The following TAF4 variants were observed in gnomAD, a reference collection of about 807,000 sequenced individuals.
TAF4 encodes the protein TATA-box binding protein associated factor 4.
Under a neutral mutation model 90.3 loss-of-function variants are expected in TAF4, and 9 were observed. That is an observed-to-expected ratio of 0.10 (90% confidence interval 0.06 to 0.17). TAF4 has a LOEUF of 0.17. Ranked by LOEUF, TAF4 falls within the 10% of genes least tolerant of loss-of-function variation. TAF4 has a pLI of 1.00. For missense variants in TAF4, 1,351 were observed against 1,370.7 expected (o/e 0.99, Z 0.23); for synonymous variants, 818 against 638.9 (o/e 1.28, Z -4.23).
intron 1 of TAF4, among the ~76,000 whole-genome samples, chr20:62,027,447 C>T (rs1231780693): frequency 6.6e-6 from 1 of 152,194 alleles, no homozygotes; most frequent in Non-Finnish European, 1.5e-5. Flanking sequence ...CCCCCCTCAA[C>T]GCAAGCTCCC....
rs188351500 is a variant in TAF4, at chr20:62,020,902, A to G, written c.1361-6195T>C. On this transcript the variant is annotated intron_variant, in intron 1 of 14. Coordinates refer to ENST00000252996, the MANE Select transcript of TAF4 (RefSeq NM_003185.4). ...ACAGGTGATCAACAGAAATTCTAGG[A>G]GGACAGAAAGGACAGCAGTTGCTGG... Among the ~76,000 whole-genome samples, 632 of 152,348 alleles carry G rather than the reference A, an allele frequency of 4.1e-3. 1 individual carries two copies. Among genetic ancestry groups the G allele is most frequent in the Middle Eastern group, 6.8e-3 (2 of 294 alleles).
At position 62,006,011 on chromosome 20, in the gene TAF4, A is replaced by G. The variant is rs1275551881; in HGVS notation, c.2223+499T>C. On this transcript the variant is annotated intron_variant, in intron 7 of 14. Coordinates refer to ENST00000252996, the MANE Select transcript of TAF4 (RefSeq NM_003185.4). The surrounding 1 kb of genome is among the most constrained non-coding windows in gnomAD (Gnocchi z 7.0). ...AGCAAACGTCATGACTATAAAACCAAGAAAGCCAGATCCAAACTGCACATA... is the reference window on the plus strand; with the variant it reads ...AGCAAACGTCATGACTATAAAACCAGGAAAGCCAGATCCAAACTGCACATA... 6.5e-6 allele frequency: 1 copy of G among 153,272 alleles called. No individual in the cohort carries two copies. Among genetic ancestry groups the G allele is most frequent in the Non-Finnish European group, 1.5e-5 (1 of 68,794 alleles). The allele number at this position is 153,272 out of a possible 1,614,324, so 9.5% of individuals were successfully genotyped here. A position where few individuals can be genotyped will look rare whatever the true frequency, so the allele number is the denominator to read the frequency against.
At chr20:62,048,986 C>A (rs1314291630) in intron 1 of TAF4, among the ~76,000 whole-genome samples, 1 of 149,190 alleles carries the variant, frequency 6.7e-6, no homozygotes, top group Non-Finnish European at 1.5e-5. Flanking sequence ...TCCATCCCCC[C>A]CTGGGCCCTC....
chr20:61,998,844 G>T, intron 12 of TAF4, 139 bp downstream of exon 12: 1 of 1,096,376 alleles, frequency 9.1e-7, no homozygotes, highest in Non-Finnish European at 1.3e-6. Flanking sequence ...CAGCTCCACT[G>T]ACAGCACCCA....
intron 1 of TAF4, among the ~76,000 whole-genome samples, chr20:62,055,763 CCT>C (rs967405448): frequency 2.6e-5 from 4 of 152,228 alleles, no homozygotes; most frequent in Non-Finnish European, 4.4e-5. Flanking sequence ...CCAGCAGTCC[CCT>C]CTCACCCAAG....
chr20:62,022,652 G>A (rs115736141), intron 1 of TAF4, among the ~76,000 whole-genome samples: 151 of 152,294 alleles, frequency 9.9e-4, no homozygotes, highest in African/African-American at 3.5e-3. Context: ...GTGCTGTGCT[G>A]TGACAGATGC....
rs535404987 is a variant in TAF4 at position 62,000,601 on chromosome 20, A to C, written c.2607T>G (p.Asp869Glu). The change falls in exon 10 of 15, where the codon GAT (aspartate) becomes GAG (glutamate). Residue 869 changes from aspartate to glutamate, a missense_variant. Asp to Glu is a conservative substitution (Grantham distance 45, BLOSUM62 2). This residue lies in a region of TAF4 where 95 missense variants were observed against 151.3 expected (regional missense o/e 0.63). Transcript: ENST00000252996. ...AAGGCGCTTGGAGGAGGAAGGTTTC[A>C]TCTTTACAGGACCGCGTTAGCGTGC... ...LVGTLTRSCK[D>E]ETFLLQAPLQ... The C allele has an allele frequency of 6.2e-7, 1 of 1,614,248 alleles. No homozygotes were observed. Among genetic ancestry groups the C allele is most frequent in the African/African-American group, 1.3e-5 (1 of 75,076 alleles).
chr20:62,028,137 C>A (rs545215841), intron 1 of TAF4, among the ~76,000 whole-genome samples: 1 of 152,192 alleles, frequency 6.6e-6, no homozygotes, highest in Non-Finnish European at 1.5e-5. Context: ...CCAGGAGCCG[C>A]ACCTGCTCTG....
intron 1 of TAF4, among the ~76,000 whole-genome samples, chr20:62,047,322 C>T (rs574437725): frequency 4.6e-5 from 7 of 152,276 alleles, no homozygotes; most frequent in Middle Eastern, 3.4e-3. Context: ...CACCAGCCTG[C>T]ACTGACACCC....
intron 1 of TAF4, among the ~76,000 whole-genome samples, chr20:62,022,889 T>C (rs1298829532): frequency 6.9e-6 from 1 of 145,750 alleles, no homozygotes; most frequent in African/African-American, 2.5e-5. Context: ...GCAGATACTA[T>C]TGTAAAATCA....
intron 14 of TAF4, among the ~76,000 whole-genome samples, chr20:61,982,771 T>C (rs2055558460): frequency 6.6e-6 from 1 of 151,704 alleles, no homozygotes; most frequent in Non-Finnish European, 1.5e-5. Flanking sequence ...GACTCTGAGA[T>C]GCAACCTCAT....
chr20:62,012,969 A>G (rs1039528876), intron 2 of TAF4, 35 bp from the exon 3 acceptor site: 4 of 1,609,612 alleles, frequency 2.5e-6, no homozygotes, highest in Admixed American at 1.7e-5. Context: ...AAACGAGCGC[A>G]AGTAAAAGGA....
At chr20:62,004,975 G>A (rs1484585143) in intron 7 of TAF4, 1 of 152,286 alleles carries the variant, frequency 6.6e-6, no homozygotes, top group South Asian at 2.1e-4. Context: ...CAAACCTCTG[G>A]GCCCAGGTGC....
chr20:61,996,795 CAAAAA>C (rs752885979), intron 14 of TAF4, among the ~76,000 whole-genome samples: 2 of 79,170 alleles, frequency 2.5e-5, no homozygotes, highest in Non-Finnish European at 2.7e-5. Context: ...AAGACTGTCT[CAAAAA>C]AAAAAAAAAA....
chr20:62,013,950 T>TGTGTGTGA (rs1491288481), intron 2 of TAF4, among the ~76,000 whole-genome samples: 7 of 126,292 alleles, frequency 5.5e-5, no homozygotes, highest in African/African-American at 9.2e-5. Flanking sequence ...TGTGTGTGTG[T>TGTGTGTGA]GAATCCGTGC....
chr20:61,976,970 T>C (rs369516813), intron 14 of TAF4, among the ~76,000 whole-genome samples: 46 of 152,372 alleles, frequency 3.0e-4, no homozygotes, highest in African/African-American at 8.7e-4. Flanking sequence ...AGCTGCTGCG[T>C]GCCAGCTCCT....
At position 62,064,578 on chromosome 20, in the gene TAF4, G is replaced by A. The variant is rs1444434899; in HGVS notation, c.1233C>T (p.Ser411=). 9 of 1,502,796 alleles carry A rather than the reference G, an allele frequency of 6.0e-6. No homozygotes were observed. The highest frequency in any genetic ancestry group is 7.1e-6 in the Non-Finnish European group (8 of 1,131,290). The allele number at this position is 1,502,796 out of a possible 1,614,324, so 93.1% of individuals were successfully genotyped here. A position where few individuals can be genotyped will look rare whatever the true frequency, so the allele number is the denominator to read the frequency against. Residue 411 remains serine, a synonymous_variant, in exon 1 of 15, where the codon AGC becomes AGT. Transcript: ENST00000252996. ...TGGTGGCCGTGGGCGTCCGGGACAGGCTCTGGGTCACTGCGCCGGCCGCGC... is the reference window on the plus strand; with the variant it reads ...TGGTGGCCGTGGGCGTCCGGGACAGACTCTGGGTCACTGCGCCGGCCGCGC... ...PKGAAGAVTQ[S]LSRTPTATTS... is the part of the protein sequence containing the mutation.
At chr20:62,005,902 C>T (rs2055742018) in intron 7 of TAF4, 1 of 152,206 alleles carries the variant, frequency 6.6e-6, no homozygotes, top group African/African-American at 2.4e-5. Context: ...TGCCCCTCTA[C>T]GTTTGGTGAA....
chr20:61,993,498 G>C (rs62207111), intron 14 of TAF4, among the ~76,000 whole-genome samples: 14,692 of 152,266 alleles, frequency 0.096, 1,201 homozygotes, highest in East Asian at 0.44. Flanking sequence ...AGGGGTGGGA[G>C]GGCCCTACAG....
Sources: gnomAD v4.1 joint callset for allele counts (sites outside exome capture counted in the v4.1 genomes callset) on GRCh38, gnomAD v4.1.1 for gene constraint, gnomAD v4.1.1 regional missense constraint, Gnocchi (gnomAD v3.1) non-coding constraint, MANE v1.5 for transcripts, NCBI Gene and HGNC (gene_info 2026-07-23, HGNC 2026-07-21) for gene names.